TNFRSF1B: variants seen among roughly 807,000 people sequenced by gnomAD.
TNFRSF1B encodes tumor necrosis factor receptor superfamily member 1B.
A neutral mutation model predicts 44.6 loss-of-function variants in TNFRSF1B; 19 were observed. That is an observed-to-expected ratio of 0.43 (90% CI 0.30 to 0.62). The LOEUF (loss-of-function observed/expected upper bound fraction) is 0.62, where lower values mean the gene tolerates loss of function less well. TNFRSF1B is among the 20% of genes least tolerant of loss of function. The pLI, the probability that TNFRSF1B is intolerant of heterozygous loss-of-function variation, is 0.16. For missense variants in TNFRSF1B, 541 were observed against 619.9 expected (o/e 0.87, Z 1.35); for synonymous variants, 252 against 261.1 (o/e 0.97, Z 0.34).
intron 2 of TNFRSF1B, among the ~76,000 whole-genome samples, chr1:12,190,458 C>CAAA (rs4044499): frequency 0.015 from 941 of 61,346 alleles, 41 homozygotes; most frequent in African/African-American, 0.061. Flanking sequence ...GATTCTGTCT[C>CAAA]AAAAAAAAAA....
At chr1:12,179,103 T>C (rs1242731816) in intron 1 of TNFRSF1B, among the ~76,000 whole-genome samples, 1 of 152,050 alleles carries the variant, frequency 6.6e-6, no homozygotes, top group African/African-American at 2.4e-5. Context: ...CCGGCGTCTT[T>C]GTACCCTGGC....
At chr1:12,202,357 T>C (rs1246739294) in intron 9 of TNFRSF1B, among the ~76,000 whole-genome samples, 186 bp downstream of exon 9, 4 of 152,234 alleles carry the variant, frequency 2.6e-5, no homozygotes, top group Non-Finnish European at 4.4e-5. Context: ...GCCTATCACC[T>C]CAAAATCCTC....
chr1:12,167,226 T>C, intron 1 of TNFRSF1B, 57 bp downstream of exon 1: 4 of 1,202,822 alleles, frequency 3.3e-6, no homozygotes, highest in Middle Eastern at 3.2e-4. Flanking sequence ...ACCCGGCTGG[T>C]GCGCAGCCTT....
rs1245339234 is a variant in TNFRSF1B, at chr1:12,177,767, C to T, written c.78+10598C>T. 6.7e-6 allele frequency among the ~76,000 whole-genome samples: 1 copy of T among 149,474 alleles called. No individual in the cohort carries two copies. The highest frequency in any genetic ancestry group is 1.5e-5 in the Non-Finnish European group (1 of 67,578). ...CGAGATCGCGCCATTGCACTCCAGC[C>T]TGGGTGACAGGGTGAGATTCTGTCT... On this transcript the variant is annotated intron_variant, in intron 1 of 9. Transcript: ENST00000376259. The surrounding 1 kb of genome is among the most constrained non-coding windows in gnomAD (Gnocchi z 4.3).
In TNFRSF1B at chr1:12,207,109, C is replaced by T. The variant is rs1218177944; in HGVS notation, c.*89C>T. On this transcript the variant is annotated 3_prime_UTR_variant, in exon 10 of 10. Transcript: ENST00000376259. Reference sequence around the variant, plus strand: ...AGGGGCCCTGGTCCTTCCAGGCCCCCACCACTAGGACTCTGAGGCTCTTTC... The same window carrying T: ...AGGGGCCCTGGTCCTTCCAGGCCCCTACCACTAGGACTCTGAGGCTCTTTC... 1.1e-5 allele frequency: 15 copies of T among 1,393,946 alleles called. No homozygotes were observed. Among genetic ancestry groups the T allele is most frequent in the Non-Finnish European group, 1.3e-5 (14 of 1,043,890 alleles). The allele number at this position is 1,393,946 out of a possible 1,614,324, so 86.3% of individuals were successfully genotyped here.
chr1:12,188,769 A>G, intron 1 of TNFRSF1B, 27 bp from the exon 2 acceptor site: 1 of 1,608,580 alleles, frequency 6.2e-7, no homozygotes, highest in Non-Finnish European at 8.5e-7. Context: ...GGCCCTGTTG[A>G]TGGCAGTCTT....
At chr1:12,174,700 C>T (rs1036306069) in intron 1 of TNFRSF1B, among the ~76,000 whole-genome samples, 1 of 152,210 alleles carries the variant, frequency 6.6e-6, no homozygotes, top group Admixed American at 6.5e-5. Flanking sequence ...CTGCAGAGCC[C>T]CTTCTCAGGC....
rs764976691 is a variant in TNFRSF1B, at chr1:12,193,211, C to T, written c.787+113C>T. On this transcript the variant is annotated intron_variant, in intron 6 of 9. Coordinates refer to ENST00000376259, the MANE Select transcript of TNFRSF1B (RefSeq NM_001066.3). Reference sequence around the variant, plus strand: ...AGCCCACGGGGGGCTGGACCCTGTGCCCTGTCCTGGGATACAGGTGGCAGT... The same window carrying T: ...AGCCCACGGGGGGCTGGACCCTGTGTCCTGTCCTGGGATACAGGTGGCAGT... 1.5e-5 allele frequency: 15 copies of T among 971,164 alleles called. No homozygotes were observed. In the South Asian group the frequency reaches 1.8e-4, roughly 12 times the overall value. The allele number at this position is 971,164 out of a possible 1,614,324, so 60.2% of individuals were successfully genotyped here.
At position 12,193,115 on chromosome 1, in the gene TNFRSF1B, C is replaced by T; in HGVS notation, c.787+17C>T. 6.3e-7 allele frequency: 1 copy of T among 1,584,982 alleles called. No individual in the cohort carries two copies. Among genetic ancestry groups the T allele is most frequent in the Admixed American group, 1.7e-5 (1 of 58,642 alleles). The stretch of plus-strand genomic sequence containing the variant: ...TTCCAGTTGGTAAGTCGCAAGAAGT[C>T]TCATTCATTCACTCCTTCTGTCTGC... On this transcript the variant is annotated intron_variant, in intron 6 of 9. Transcript: ENST00000376259.
chr1:12,167,027 A>T lies in TNFRSF1B; in HGVS notation c.-65A>T, dbSNP rs1454793712. On this transcript the variant is annotated 5_prime_UTR_variant, in exon 1 of 10. Coordinates refer to ENST00000376259, the MANE Select transcript of TNFRSF1B (RefSeq NM_001066.3). ...AGCGAGCGCAGCGGAGCCTGGAGAG[A>T]AGGCGCTGGGCTGCGAGGGCGCGAG... The T allele has an allele frequency of 1.2e-5, 14 of 1,136,630 alleles. No homozygotes were observed. The highest frequency in any genetic ancestry group is 1.6e-5 in the Non-Finnish European group (14 of 892,624). The allele number at this position is 1,136,630 out of a possible 1,614,324, so 70.4% of individuals were successfully genotyped here.
At chr1:12,174,743 CT>C (rs1638613581) in intron 1 of TNFRSF1B, among the ~76,000 whole-genome samples, 1 of 152,226 alleles carries the variant, frequency 6.6e-6, no homozygotes, top group African/African-American at 2.4e-5. Context: ...CCTACCCCCT[CT>C]TTTGGACACT....
At chr1:12,195,501 C>G (rs76468815) in intron 8 of TNFRSF1B, among the ~76,000 whole-genome samples, 2,144 of 152,242 alleles carry the variant, frequency 0.014, 64 homozygotes, top group African/African-American at 0.049. Context: ...CATATGTCAC[C>G]TCTAAGTTTG....
intron 1 of TNFRSF1B, among the ~76,000 whole-genome samples, chr1:12,170,549 G>A (rs1465283916): frequency 6.6e-6 from 1 of 152,324 alleles, no homozygotes; most frequent in Non-Finnish European, 1.5e-5. Context: ...GACGCTTTAT[G>A]GTCCTTACTA....
chr1:12,183,109 A>C (rs1638847078), intron 1 of TNFRSF1B, among the ~76,000 whole-genome samples: 1 of 152,248 alleles, frequency 6.6e-6, no homozygotes, highest in Non-Finnish European at 1.5e-5. Context: ...GGGAGGTAGC[A>C]GGTGCTCGGT....
chr1:12,179,214 G>A (rs1376265631), intron 1 of TNFRSF1B, among the ~76,000 whole-genome samples: 1 of 152,204 alleles, frequency 6.6e-6, no homozygotes. Flanking sequence ...CGAGTCGGGA[G>A]TGGGATGTGT....
rs1182792118 is a variant in TNFRSF1B, at chr1:12,178,971, C to T, written c.79-9825C>T. On this transcript the variant is annotated intron_variant, in intron 1 of 9. Coordinates refer to ENST00000376259, the MANE Select transcript of TNFRSF1B (RefSeq NM_001066.3). The surrounding 1 kb of genome is among the most constrained non-coding windows in gnomAD (Gnocchi z 4.3). ...AGCTGGCAGGAGATGCTGAGGGCAG[C>T]GAGGAGGAGGGGTCGTGGGAGATGG... Among the ~76,000 whole-genome samples, 2 of 151,802 alleles carry T rather than the reference C, an allele frequency of 1.3e-5. No individual in the cohort carries two copies. Among genetic ancestry groups the T allele is most frequent in the East Asian group, 3.9e-4 (2 of 5,170 alleles).
chr1:12,203,345 C>T lies in TNFRSF1B; in HGVS notation c.1105+1174C>T, dbSNP rs147357313. The stretch of plus-strand genomic sequence containing the variant: ...CAGGGCCAGGCTCCCTCTGGGCCGC[C>T]TCCAGGTGGGGACTGATGGCTGCAG... On this transcript the variant is annotated intron_variant, in intron 9 of 9. Coordinates refer to ENST00000376259, the MANE Select transcript of TNFRSF1B (RefSeq NM_001066.3). 3.5e-4 allele frequency among the ~76,000 whole-genome samples: 54 copies of T among 152,300 alleles called. 1 individual carries two copies. In the East Asian group the frequency reaches 9.8e-3, roughly 28 times the overall value.
chr1:12,186,793 G>T lies in TNFRSF1B; in HGVS notation c.79-2003G>T, dbSNP rs1638997930. Among the ~76,000 whole-genome samples, 1 of 152,252 alleles carries T rather than the reference G, an allele frequency of 6.6e-6. No homozygotes were observed. Among genetic ancestry groups the T allele is most frequent in the Non-Finnish European group, 1.5e-5 (1 of 68,048 alleles). On this transcript the variant is annotated intron_variant, in intron 1 of 9. Coordinates refer to ENST00000376259, the MANE Select transcript of TNFRSF1B (RefSeq NM_001066.3). This position sits in a 1 kb window ranked among gnomAD's most constrained non-coding sequence, Gnocchi z 4.8. ...TTGTTCATTTCCAGGTGACGCATCT[G>T]TGGGGGCCCCTGAAGGACTTGGGGT... is the stretch of plus-strand genomic sequence containing the variant.
chr1:12,192,447 C>G lies in TNFRSF1B; in HGVS notation c.474C>G (p.Asp158Glu), dbSNP rs1208893913. Reference protein sequence around the residue: ...GVARPGTETSDVVCKPCAPGT... With the variant: ...GVARPGTETSEVVCKPCAPGT... ...TCCCTGAAGGAACTGAAACATCAGACGTGGTGTGCAAGCCCTGTGCCCCGG... is the reference window on the plus strand; with the variant it reads ...TCCCTGAAGGAACTGAAACATCAGAGGTGGTGTGCAAGCCCTGTGCCCCGG... The change falls in exon 5 of 10, where the codon GAC (aspartate) becomes GAG (glutamate). Residue 158 changes from aspartate (D) to glutamate (E), a missense_variant. Physicochemically the swap from Asp to Glu is conservative, Grantham distance 45. Coordinates refer to ENST00000376259, the MANE Select transcript of TNFRSF1B (RefSeq NM_001066.3). 3.1e-6 allele frequency: 5 copies of G among 1,614,024 alleles called. No homozygotes were observed. Among genetic ancestry groups the G allele is most frequent in the Non-Finnish European group, 4.2e-6 (5 of 1,180,020 alleles).
Sources: allele counts gnomAD v4.1 joint callset (sites outside exome capture counted in the v4.1 genomes callset), GRCh38; gene constraint gnomAD v4.1.1; non-coding constraint Gnocchi (gnomAD v3.1); transcripts MANE v1.5; gene names NCBI Gene and HGNC (gene_info 2026-07-23, HGNC 2026-07-21).